ADAP1: variants seen among roughly 807,000 people sequenced by gnomAD.
The protein encoded by ADAP1 is arf-GAP with dual PH domain-containing protein 1.
In ADAP1, 31 loss-of-function variants were observed where a neutral mutation model predicts 54.9. The ratio of observed to expected loss-of-function variants is 0.56; its 90% CI spans 0.42 to 0.76. The LOEUF (loss-of-function observed/expected upper bound fraction) is 0.76. Among genes scored for constraint, ADAP1 ranks in the 30% least tolerant of loss-of-function variants. ADAP1 has a pLI of 0.00. For synonymous variants in ADAP1, 313 were observed against 202.6 expected (o/e 1.55, Z -4.63); for missense variants, 535 against 512.4 (o/e 1.04, Z -0.42).
chr7:910,590 T>G (rs150598625), intron 4 of ADAP1, among the ~76,000 whole-genome samples: 12 of 152,294 alleles, frequency 7.9e-5, no homozygotes, highest in African/African-American at 2.6e-4. Context: ...GGGACTGCAC[T>G]CTAAATAGGA....
chr7:903,688 C>T (rs1262750361), intron 6 of ADAP1, among the ~76,000 whole-genome samples: 1 of 152,030 alleles, frequency 6.6e-6, no homozygotes, highest in Admixed American at 6.5e-5. Flanking sequence ...CAAGGGCAGC[C>T]AAAGGAACCC....
At position 938,586 on chromosome 7, in the gene ADAP1, C is replaced by T. The variant is rs537180196; in HGVS notation, c.83-3081G>A. Among the ~76,000 whole-genome samples the T allele has an allele frequency of 3.3e-5, 5 of 152,262 alleles. No homozygotes were observed. In the East Asian group the frequency reaches 5.8e-4, roughly 18 times the overall value. On this transcript the variant is annotated intron_variant, in intron 1 of 10. Transcript: ENST00000265846. This position sits in a 1 kb window ranked among gnomAD's most constrained non-coding sequence, Gnocchi z 4.4. ...ACTCCCCCCGGGCTCCGTCTTCTCC[C>T]GAAGCCTTGGTGAAAGATGCCGCAA...
In ADAP1 at chr7:945,419, C is replaced by A. The variant is rs1197753054; in HGVS notation, c.82+8977G>T. 1.3e-5 allele frequency among the ~76,000 whole-genome samples: 2 copies of A among 152,224 alleles called. No individual in the cohort carries two copies. Among genetic ancestry groups the A allele is most frequent in the African/African-American group, 4.8e-5 (2 of 41,468 alleles). Reference sequence around the variant, plus strand: ...TGCCCCCTCCACTCGGGGCACTGAACCGTGGGGCCGGCCCTGCTTCTGCCC... The same window carrying A: ...TGCCCCCTCCACTCGGGGCACTGAAACGTGGGGCCGGCCCTGCTTCTGCCC... On this transcript the variant is annotated intron_variant, in intron 1 of 10. Coordinates refer to ENST00000265846, the MANE Select transcript of ADAP1 (RefSeq NM_006869.4). The surrounding 1 kb of genome is among the most constrained non-coding windows in gnomAD (Gnocchi z 4.2).
At chr7:903,019 G>A (rs1348698896) in intron 6 of ADAP1, among the ~76,000 whole-genome samples, 2 of 152,140 alleles carry the variant, frequency 1.3e-5, no homozygotes, top group African/African-American at 2.4e-5. Flanking sequence ...CGAGAAAGAC[G>A]TAGGACCCGG....
At chr7:902,835 C>G (rs1308372913) in intron 6 of ADAP1, among the ~76,000 whole-genome samples, 2 of 152,132 alleles carry the variant, frequency 1.3e-5, no homozygotes, top group East Asian at 3.9e-4. Flanking sequence ...GACAAACGTA[C>G]TAGGATGGAG....
chr7:907,104 C>T (rs1845499226), intron 4 of ADAP1, among the ~76,000 whole-genome samples: 1 of 152,142 alleles, frequency 6.6e-6, no homozygotes, highest in African/African-American at 2.4e-5. Flanking sequence ...GCCATCCCCT[C>T]TTTTTTCAGG....
Position 946,192 on chromosome 7 carries a change from T to A in ADAP1, c.82+8204A>T, listed in dbSNP as rs746755492. Among the ~76,000 whole-genome samples the A allele has an allele frequency of 3.3e-5, 5 of 151,818 alleles. No individual in the cohort carries two copies. Among genetic ancestry groups the A allele is most frequent in the African/African-American group, 4.8e-5 (2 of 41,312 alleles). ...ACCCAGGCCCCTCTCCAACTCCACC[T>A]CCGTGTTTTCCGCATATTGTCTCCC... is the stretch of plus-strand genomic sequence containing the variant. On this transcript the variant is annotated intron_variant, in intron 1 of 10. Coordinates refer to ENST00000265846, the MANE Select transcript of ADAP1 (RefSeq NM_006869.4). This position sits in a 1 kb window ranked among gnomAD's most constrained non-coding sequence, Gnocchi z 4.3.
intron 2 of ADAP1, chr7:935,107 A>C (rs1583178083): frequency 3.4e-6 from 2 of 590,228 alleles, no homozygotes; most frequent in Non-Finnish European, 6.5e-6. Flanking sequence ...GGGCACGGGA[A>C]TCGGCGACCC....
intron 4 of ADAP1, among the ~76,000 whole-genome samples, chr7:918,558 G>A (rs1023133811): frequency 1.3e-5 from 2 of 152,162 alleles, no homozygotes; most frequent in Non-Finnish European, 2.9e-5. Context: ...GGCAGTGGGG[G>A]CAGTGCTGGG....
chr7:917,422 CCACCTACAA>C (rs1435756688), intron 4 of ADAP1, among the ~76,000 whole-genome samples: 1 of 152,146 alleles, frequency 6.6e-6, no homozygotes, highest in Non-Finnish European at 1.5e-5. Flanking sequence ...TCCACTGAAC[CCACCTACAA>C]CACCAGGACT....
chr7:901,820 T>C (rs1307352591), intron 6 of ADAP1, among the ~76,000 whole-genome samples: 1 of 39,284 alleles, frequency 2.5e-5, no homozygotes, highest in African/African-American at 1.0e-4. Flanking sequence ...CCCTCCCTCC[T>C]CCTAGAGGAA....
rs1276158444 is a variant in ADAP1 at position 905,281 on chromosome 7, CGG to C, written c.389-111_389-110del. The C allele has an allele frequency of 2.6e-4, 70 of 269,028 alleles. 5 individuals carry two copies. The African/African-American group carries it at 8.3e-3, about 32-fold the overall frequency. 16.7% of individuals were successfully genotyped at this position (269,028 alleles called of 1,614,324 possible). A position where few individuals can be genotyped will look rare whatever the true frequency, so the allele number is the denominator to read the frequency against. ...ACATGGGGAGAAGACACGGGGGACACGGACGGGGGACACGGACAGGGGGAGAC... is the reference window on the plus strand; with the variant it reads ...ACATGGGGAGAAGACACGGGGGACACACGGGGGACACGGACAGGGGGAGAC... On this transcript the variant is annotated intron_variant, in intron 4 of 10. Coordinates refer to ENST00000265846, the MANE Select transcript of ADAP1 (RefSeq NM_006869.4).
chr7:911,919 C>A (rs1051305395), intron 4 of ADAP1, among the ~76,000 whole-genome samples: 1 of 152,034 alleles, frequency 6.6e-6, no homozygotes, highest in Admixed American at 6.5e-5. Context: ...AGGGGCAGCC[C>A]CACAGCTCTG....
Position 899,018 on chromosome 7 carries a change from G to GCCCGCCC in ADAP1, c.1096+8_1096+14dup. On this transcript the variant is annotated intron_variant, in intron 10 of 10. Coordinates refer to ENST00000265846, the MANE Select transcript of ADAP1 (RefSeq NM_006869.4). ...TGGGAGCCCTTCCAGGCCGCCGGCC[G>GCCCGCCC]CCCGCCCCCCTCACCTGCGTACTCC... 6.2e-7 allele frequency: 1 copy of GCCCGCCC among 1,609,272 alleles called. No homozygotes were observed. The highest frequency in any genetic ancestry group is 8.5e-7 in the Non-Finnish European group (1 of 1,179,470).
chr7:950,692 A>T (rs1847245711), intron 1 of ADAP1, among the ~76,000 whole-genome samples: 1 of 151,204 alleles, frequency 6.6e-6, no homozygotes. Context: ...CCCTGTCTCT[A>T]CCAAAAATAC....
intron 7 of ADAP1, 55 bp from the exon 8 acceptor site, chr7:900,219 C>G (rs1029160713): frequency 6.2e-7 from 1 of 1,604,494 alleles, no homozygotes; most frequent in African/African-American, 1.3e-5. Context: ...AGGCCGAGCC[C>G]CTCCCTGGCT....
chr7:899,005 C>A, intron 10 of ADAP1, 28 bp downstream of exon 10: 1 of 1,609,680 alleles, frequency 6.2e-7, no homozygotes, highest in South Asian at 1.1e-5. Context: ...GGAGCCCTTC[C>A]AGGCCGCCGG....
intron 4 of ADAP1, among the ~76,000 whole-genome samples, chr7:906,858 A>C (rs1645699874): frequency 8.5e-6 from 1 of 117,912 alleles, no homozygotes; most frequent in Non-Finnish European, 1.9e-5. Flanking sequence ...GGGATATGAC[A>C]GTGGACCAGC....
intron 4 of ADAP1, among the ~76,000 whole-genome samples, chr7:918,433 T>C (rs1032331917): frequency 3.3e-5 from 5 of 152,180 alleles, no homozygotes; most frequent in African/African-American, 1.2e-4. Flanking sequence ...CCAGGCTTGT[T>C]TGACCACCAG....
Sources: allele counts gnomAD v4.1 joint callset (sites outside exome capture counted in the v4.1 genomes callset), GRCh38; gene constraint gnomAD v4.1.1; non-coding constraint Gnocchi (gnomAD v3.1); transcripts MANE v1.5; gene names NCBI Gene and HGNC (gene_info 2026-07-23, HGNC 2026-07-21).